The following LINGO1 variants were observed in gnomAD, a reference collection of about 807,000 sequenced individuals.
LINGO1 encodes the protein leucine rich repeat and Ig domain containing 1.
A neutral mutation model predicts 37.3 loss-of-function variants in LINGO1; 11 were observed. The observed-to-expected ratio is 0.29, with a 90% CI of 0.19 to 0.49. The LOEUF (loss-of-function observed/expected upper bound fraction) is 0.49, where lower values mean the gene tolerates loss of function less well. Among genes scored for constraint, LINGO1 ranks in the 20% least tolerant of loss-of-function variants. LINGO1 has a pLI of 0.99. For synonymous variants in LINGO1, 387 were observed against 403.0 expected, an observed-to-expected ratio of 0.96 and a Z score of 0.48; for missense variants, 585 against 878.2, an observed-to-expected ratio of 0.67 and a Z score of 4.22.
chr15:77,665,698 C>T (rs945875963), intron 3 of LINGO1, among the ~76,000 whole-genome samples: 3 of 152,246 alleles, frequency 2.0e-5, no homozygotes, highest in African/African-American at 7.2e-5. Context: ...CCTGCCCACA[C>T]CGCACCCTCC....
intron 3 of LINGO1, chr15:77,647,851 A>T (rs1162536998): frequency 2.2e-6 from 1 of 456,296 alleles, no homozygotes; most frequent in Non-Finnish European, 4.4e-6. Context: ...CTTTTCCTGG[A>T]AGGGAACAGC....
Position 77,664,170 on chromosome 15 carries a change from T to TGTGTGTGTGTGCGCGC in LINGO1, c.-13+12918_-13+12919insGCGCGCACACACACAC. Among the ~76,000 whole-genome samples the TGTGTGTGTGTGCGCGC allele has an allele frequency of 1.5e-3, 195 of 130,980 alleles. 2 individuals are homozygous for TGTGTGTGTGTGCGCGC. Among genetic ancestry groups the TGTGTGTGTGTGCGCGC allele is most frequent in the African/African-American group, 7.0e-3 (192 of 27,266 alleles). The allele number at this position is 130,980 out of a possible 152,430, so 85.9% of individuals were successfully genotyped here. A position where few individuals can be genotyped will look rare whatever the true frequency, so the allele number is the denominator to read the frequency against. ...GTGTGTGTGTGTGTGTGTGTGTGTG[T>TGTGTGTGTGTGCGCGC]GCGCGCGCGCATGCGTTTGCATTCT... On this transcript the variant is annotated intron_variant, in intron 3 of 3. Coordinates refer to the LINGO1 transcript ENST00000559893.
intron 1 of LINGO1, among the ~76,000 whole-genome samples, chr15:77,752,719 G>C (rs2076383997): frequency 6.6e-6 from 1 of 152,166 alleles, no homozygotes; most frequent in South Asian, 2.1e-4. Flanking sequence ...CTGTAGAGGG[G>C]AGGGGAATCC....
At chr15:77,657,956 T>C (rs2074902329) in intron 3 of LINGO1, among the ~76,000 whole-genome samples, 1 of 151,952 alleles carries the variant, frequency 6.6e-6, no homozygotes, top group African/African-American at 2.4e-5. Context: ...CACACACAAA[T>C]GCCAGTCCCC....
intron 2 of LINGO1, among the ~76,000 whole-genome samples, chr15:77,689,351 C>T (rs573234904): frequency 2.2e-4 from 34 of 152,286 alleles, no homozygotes; most frequent in Admixed American, 1.8e-3. Context: ...CCGGAACTGT[C>T]GAGGCTGGGA....
chr15:77,739,215 C>T (rs144644531), intron 1 of LINGO1, among the ~76,000 whole-genome samples: 5 of 152,228 alleles, frequency 3.3e-5, no homozygotes, highest in Non-Finnish European at 5.9e-5. Flanking sequence ...GTGTTCGCAG[C>T]GGAAATTGGT....
intron 1 of LINGO1, among the ~76,000 whole-genome samples, chr15:77,623,159 T>C (rs1021271721): frequency 6.6e-6 from 1 of 152,166 alleles, no homozygotes; most frequent in Non-Finnish European, 1.5e-5. Context: ...TAGCTCTTAA[T>C]GAAGGAGGCT....
At chr15:77,778,024 C>G (rs1486848496) in intron 1 of LINGO1, among the ~76,000 whole-genome samples, 1 of 152,180 alleles carries the variant, frequency 6.6e-6, no homozygotes, top group Non-Finnish European at 1.5e-5. Context: ...GAAATGTATT[C>G]TTTCACAATT....
chr15:77,668,356 T>G (rs1362785383), intron 3 of LINGO1, among the ~76,000 whole-genome samples: 3 of 152,124 alleles, frequency 2.0e-5, no homozygotes, highest in Non-Finnish European at 4.4e-5. Flanking sequence ...AAAGCTTGAC[T>G]CAAATGTGTA....
chr15:77,779,087 C>T lies in LINGO1; in HGVS notation c.-257+7782G>A, dbSNP rs559232473. On this transcript the variant is annotated intron_variant, in intron 1 of 3. Transcript: ENST00000561686. ...CTCTGCTTTGAATGGTCTCCCCAGG[C>T]TTCCATATGGCTCCCTGACCTCAAC... Among the ~76,000 whole-genome samples the T allele has an allele frequency of 3.9e-5, 6 of 152,268 alleles. No homozygotes were observed. In the East Asian group the frequency reaches 1.2e-3, roughly 29 times the overall value.
chr15:77,694,262 C>G (rs1460422303), intron 1 of LINGO1, among the ~76,000 whole-genome samples: 1 of 151,890 alleles, frequency 6.6e-6, no homozygotes, highest in Non-Finnish European at 1.5e-5. Flanking sequence ...CAGAACGCTC[C>G]CACCGATTCT....
chr15:77,787,750 G>A (rs1387506349), upstream of LINGO1: 4 of 152,188 alleles, frequency 2.6e-5, no homozygotes, highest in African/African-American at 7.2e-5. Flanking sequence ...CCCCAGCTCA[G>A]CCTTTTTATT....
intron 1 of LINGO1, among the ~76,000 whole-genome samples, chr15:77,622,485 G>A (rs1049198749): frequency 1.3e-5 from 2 of 152,152 alleles, no homozygotes; most frequent in African/African-American, 4.8e-5. Flanking sequence ...TATCTAGCTG[G>A]GGAGGGAGAC....
At chr15:77,776,514 CAGGAAGGG>C (rs1460449649) in intron 1 of LINGO1, among the ~76,000 whole-genome samples, 51 of 75,762 alleles carry the variant, frequency 6.7e-4, no homozygotes, top group African/African-American at 1.0e-3. Context: ...GGCAGGAAGG[CAGGAAGGG>C]AGGAAGGGAG....
At chr15:77,721,813 C>T (rs1011086634) in intron 2 of LINGO1, among the ~76,000 whole-genome samples, 4 of 152,130 alleles carry the variant, frequency 2.6e-5, no homozygotes, top group South Asian at 2.1e-4. Flanking sequence ...CCTCCCACCC[C>T]GGGCCTCAGC....
Position 77,709,757 on chromosome 15 carries a change from C to T in LINGO1, c.-194-18856G>A, listed in dbSNP as rs925267738. ...GGAGCCACAAGCTTCTCAGACATGA[C>T]TTGGCTTATGGAGAAGCTACACTAG... On this transcript the variant is annotated intron_variant, in intron 2 of 3. Transcript: ENST00000561686. 2.0e-5 allele frequency among the ~76,000 whole-genome samples: 3 copies of T among 152,216 alleles called. No individual in the cohort carries two copies. In the East Asian group the frequency reaches 5.8e-4, roughly 29 times the overall value.
chr15:77,765,657 G>T (rs988217938), intron 1 of LINGO1, among the ~76,000 whole-genome samples: 5 of 152,086 alleles, frequency 3.3e-5, no homozygotes, highest in Non-Finnish European at 5.9e-5. Context: ...CTCTGGCCTG[G>T]AAGGCACCCA....
At chr15:77,740,101 G>C (rs1410537249) in intron 1 of LINGO1, among the ~76,000 whole-genome samples, 1 of 152,264 alleles carries the variant, frequency 6.6e-6, no homozygotes, top group African/African-American at 2.4e-5. Flanking sequence ...ACTTGGGTGG[G>C]AGACACACTG....
intron 1 of LINGO1, among the ~76,000 whole-genome samples, chr15:77,622,441 C>G (rs939665013): frequency 3.3e-5 from 5 of 152,156 alleles, no homozygotes; most frequent in Non-Finnish European, 7.4e-5. Flanking sequence ...AGCCCCGTCC[C>G]GGCCACTCCA....
Sources: gnomAD v4.1 joint callset for allele counts (sites outside exome capture counted in the v4.1 genomes callset) on GRCh38, gnomAD v4.1.1 for gene constraint, MANE v1.5 for transcripts, NCBI Gene and HGNC (gene_info 2026-07-23, HGNC 2026-07-21) for gene names.